Variants in KLHL22 observed in about 807,000 individuals in gnomAD.
KLHL22 encodes kelch like family member 22, also known as kelch-like protein 22.
In KLHL22, 18 loss-of-function variants were observed where a neutral mutation model predicts 60.7. The observed-to-expected ratio is 0.30, with a 90% CI of 0.20 to 0.44. The LOEUF (loss-of-function observed/expected upper bound fraction) is 0.44, where lower values mean the gene tolerates loss of function less well. KLHL22 is among the 20% of genes least tolerant of loss of function. The probability of loss-of-function intolerance (pLI) is 1.00; values close to 1 mark genes in which losing one functional copy is unlikely to be tolerated. For synonymous variants in KLHL22, 355 were observed against 354.5 expected, an observed-to-expected ratio of 1.00 and a Z score of -0.01; for missense variants, 596 against 852.3, an observed-to-expected ratio of 0.70 and a Z score of 3.74.
chr22:20,479,356 C>T (rs973000386), intron 2 of KLHL22, among the ~76,000 whole-genome samples: 1 of 152,048 alleles, frequency 6.6e-6, no homozygotes, highest in African/African-American at 2.4e-5. Context: ...ACCTCATATC[C>T]ATTAGGATGA....
intron 1 of KLHL22, among the ~76,000 whole-genome samples, chr22:20,493,758 A>G (rs1382811981): frequency 6.6e-6 from 1 of 151,930 alleles, no homozygotes; most frequent in Non-Finnish European, 1.5e-5. Context: ...AAAAAAACAA[A>G]CAAAAAAACA....
chr22:20,465,526 G>T lies in KLHL22; in HGVS notation c.444C>A (p.Asp148Glu). The stretch of plus-strand genomic sequence containing the variant: ...GGTAGACATCGAGAATGTTCTCTTC[G>T]TCCACCCAGGACATGAGGAAATCAC... The part of the protein sequence containing the change: ...FCCDFLMSWV[D>E]EENILDVYRL... Residue 148 changes from aspartate (D) to glutamate (E), a missense_variant, in exon 4 of 7, where the codon GAC becomes GAA. Transcript: ENST00000328879. The surrounding 1 kb of genome is among the most constrained non-coding windows in gnomAD (Gnocchi z 4.9). 6.2e-7 allele frequency: 1 copy of T among 1,606,224 alleles called. No homozygotes were observed. Among genetic ancestry groups the T allele is most frequent in the Non-Finnish European group, 8.5e-7 (1 of 1,172,830 alleles).
chr22:20,489,295 C>G (rs1187766196), intron 1 of KLHL22, 51 bp from the exon 2 acceptor site: 33 of 1,342,908 alleles, frequency 2.5e-5, no homozygotes, highest in Non-Finnish European at 3.4e-5. Context: ...GCATCAGCCC[C>G]ACCACACACA....
chr22:20,458,608 C>G (rs1196657502), intron 4 of KLHL22, among the ~76,000 whole-genome samples: 1 of 151,824 alleles, frequency 6.6e-6, no homozygotes, highest in Non-Finnish European at 1.5e-5. Context: ...CTCAGGAGGG[C>G]CTCCAAATAC....
At chr22:20,472,277 A>G (rs1428090456) in intron 2 of KLHL22, among the ~76,000 whole-genome samples, 1 of 151,954 alleles carries the variant, frequency 6.6e-6, no homozygotes, top group African/African-American at 2.4e-5. Context: ...ACAAAGAGCA[A>G]AAGGAGTTAT....
At position 20,452,326 on chromosome 22, in the gene KLHL22, T is replaced by C. The variant is rs563994290; in HGVS notation, c.1305+5482A>G. 2.6e-5 allele frequency among the ~76,000 whole-genome samples: 4 copies of C among 152,156 alleles called. No homozygotes were observed. The East Asian group carries it at 7.7e-4, about 29-fold the overall frequency. ...GTAGCTAGGGGCAACACAGTTCCAT[T>C]CTAAAGGGAAACAAAAGGGAGAGCC... On this transcript the variant is annotated intron_variant, in intron 5 of 6. Coordinates refer to ENST00000328879, the MANE Select transcript of KLHL22 (RefSeq NM_032775.4).
At chr22:20,448,718 C>A (rs2052922601) in intron 5 of KLHL22, among the ~76,000 whole-genome samples, 1 of 152,150 alleles carries the variant, frequency 6.6e-6, no homozygotes, top group African/African-American at 2.4e-5. Flanking sequence ...GCACGCATCA[C>A]CATGCCTGGC....
rs569208236 is a variant in KLHL22 at position 20,451,815 on chromosome 22, C to A, written c.1306-5139G>T. 39 of 1,604,296 alleles carry A rather than the reference C, an allele frequency of 2.4e-5. No homozygotes were observed. In the African/African-American group the frequency reaches 5.1e-4, roughly 21 times the overall value. ...GTGATGCTGGTGTGTGTGTTCTCCA[C>A]AAGAAGTGACCATTGTTGGAGCACC... On this transcript the variant is annotated intron_variant, in intron 5 of 6. Coordinates refer to ENST00000328879, the MANE Select transcript of KLHL22 (RefSeq NM_032775.4).
chr22:20,489,398 C>T (rs376881753), intron 1 of KLHL22, among the ~76,000 whole-genome samples, 154 bp from the exon 2 acceptor site: 1 of 152,190 alleles, frequency 6.6e-6, no homozygotes, highest in Non-Finnish European at 1.5e-5. Context: ...TCCTTCTCCC[C>T]TCCCACCTCT....
intron 2 of KLHL22, among the ~76,000 whole-genome samples, chr22:20,488,141 GAGATAA>G (rs1292987323): frequency 6.6e-6 from 1 of 152,126 alleles, no homozygotes; most frequent in African/African-American, 2.4e-5. Context: ...AAAATAGAGA[GAGATAA>G]AGAGAAAGAG....
At chr22:20,477,421 G>A (rs2053432775) in intron 2 of KLHL22, among the ~76,000 whole-genome samples, 1 of 151,920 alleles carries the variant, frequency 6.6e-6, no homozygotes. Context: ...AAGACCAGAT[G>A]GGGCAACACA....
At chr22:20,483,761 G>A in intron 2 of KLHL22, 1 of 739,038 alleles carries the variant, frequency 1.4e-6, no homozygotes, top group Non-Finnish European at 2.5e-6. Context: ...TCTTCTCCAA[G>A]TGCTTCTGGA....
At chr22:20,451,727 T>C (rs1478404235) in intron 5 of KLHL22, 18 of 1,573,388 alleles carry the variant, frequency 1.1e-5, no homozygotes, top group Non-Finnish European at 1.4e-5. Flanking sequence ...CTAAGTAGCA[T>C]TGAATGTTAC....
chr22:20,456,568 C>G (rs1239060823), intron 5 of KLHL22: 2 of 152,316 alleles, frequency 1.3e-5, no homozygotes, highest in Non-Finnish European at 2.9e-5. Flanking sequence ...CCCTCCTTGT[C>G]CACTTGGTCT....
chr22:20,490,535 A>G (rs1171619053), intron 1 of KLHL22, among the ~76,000 whole-genome samples: 1 of 152,224 alleles, frequency 6.6e-6, no homozygotes, highest in Non-Finnish European at 1.5e-5. Flanking sequence ...TTAACAAGCA[A>G]GCAATCAATT....
intron 2 of KLHL22, chr22:20,483,973 A>G: frequency 1.4e-6 from 1 of 693,648 alleles, no homozygotes; most frequent in East Asian, 2.7e-5. Flanking sequence ...ACGAAGATCC[A>G]GGAACCAGAG....
chr22:20,464,920 G>A lies in KLHL22; in HGVS notation c.1050C>T (p.Phe350=), dbSNP rs774571360. 4 of 1,575,212 alleles carry A rather than the reference G, an allele frequency of 2.5e-6. No homozygotes were observed. The highest frequency in any genetic ancestry group is 1.7e-4 in the Middle Eastern group (1 of 5,862). ...SNQGIAVLNN[F]VYLIGGDNNV... is the part of the protein sequence containing the mutation. ...TGTTGTCCCCTCCAATCAAGTATAC[G>A]AAGTTGTTGAGCACCGCGATGCCCT... The change falls in exon 4 of 7, where the codon TTC becomes TTT. Residue 350 remains phenylalanine (F), a synonymous_variant. Coordinates refer to ENST00000328879, the MANE Select transcript of KLHL22 (RefSeq NM_032775.4).
At chr22:20,451,188 G>A in intron 5 of KLHL22, 1 of 1,596,308 alleles carries the variant, frequency 6.3e-7, no homozygotes, top group South Asian at 1.1e-5. Context: ...ATGAGGATGG[G>A]GTCTGGTATT....
chr22:20,467,559 CAATA>C (rs2053254093), intron 3 of KLHL22, among the ~76,000 whole-genome samples: 2 of 152,332 alleles, frequency 1.3e-5, no homozygotes, highest in Admixed American at 1.3e-4. Context: ...GTGTTCAATG[CAATA>C]AATCAGTTTC....
Sources: gnomAD v4.1 joint callset for allele counts (sites outside exome capture counted in the v4.1 genomes callset) on GRCh38, gnomAD v4.1.1 for gene constraint, Gnocchi (gnomAD v3.1) non-coding constraint, MANE v1.5 for transcripts, NCBI Gene and HGNC (gene_info 2026-07-23, HGNC 2026-07-21) for gene names.